KCNT2: variants seen among roughly 807,000 people sequenced by gnomAD.
The protein encoded by KCNT2 is potassium channel subfamily T member 2.
Under a neutral mutation model 153.8 loss-of-function variants are expected in KCNT2, and 67 were observed. The observed-to-expected ratio is 0.44, with a 90% CI of 0.36 to 0.53. The LOEUF is 0.53. KCNT2 is among the 20% of genes least tolerant of loss of function. KCNT2 has a pLI of 0.00. For missense variants in KCNT2, 975 were observed against 1,354.8 expected (o/e 0.72, Z 4.40); for synonymous variants, 500 against 458.8 (o/e 1.09, Z -1.15).
At chr1:196,578,844 T>C (rs12726412) in intron 1 of KCNT2, among the ~76,000 whole-genome samples, 5,432 of 152,238 alleles carry the variant, frequency 0.036, 143 homozygotes, top group Middle Eastern at 0.095. Context: ...TTTTTTTGTA[T>C]TAGAGTGAAA....
At chr1:196,532,739 A>G (rs552639641) in intron 1 of KCNT2, among the ~76,000 whole-genome samples, 1 of 152,152 alleles carries the variant, frequency 6.6e-6, no homozygotes, top group East Asian at 1.9e-4. Context: ...GATCTTTTCC[A>G]CATGTGAAAG....
intron 8 of KCNT2, among the ~76,000 whole-genome samples, chr1:196,453,774 G>T (rs1047632067): frequency 1.3e-5 from 2 of 151,590 alleles, no homozygotes; most frequent in Admixed American, 6.6e-5. Context: ...AGTTTTTATC[G>T]GTACTCAACA....
At chr1:196,534,763 C>G (rs937022263) in intron 1 of KCNT2, among the ~76,000 whole-genome samples, 2 of 152,068 alleles carry the variant, frequency 1.3e-5, no homozygotes, top group African/African-American at 4.8e-5. Context: ...AAAATCCACC[C>G]AAGAAAAAGC....
chr1:196,379,101 A>T (rs926861456), intron 13 of KCNT2, among the ~76,000 whole-genome samples: 2 of 152,050 alleles, frequency 1.3e-5, no homozygotes, highest in Non-Finnish European at 2.9e-5. Context: ...TACTTTTTGT[A>T]TACAAAATCA....
chr1:196,254,203 T>C (rs757642971), intron 26 of KCNT2, among the ~76,000 whole-genome samples: 6 of 151,440 alleles, frequency 4.0e-5, no homozygotes, highest in Non-Finnish European at 8.9e-5. Flanking sequence ...TAAAGTTCTA[T>C]GAACAGAATG....
intron 1 of KCNT2, among the ~76,000 whole-genome samples, chr1:196,528,536 G>A (rs755579931): frequency 2.0e-4 from 31 of 152,028 alleles, no homozygotes; most frequent in Non-Finnish European, 3.5e-4. Flanking sequence ...TTGACTAAAC[G>A]GCTATTAAGA....
intron 16 of KCNT2, among the ~76,000 whole-genome samples, chr1:196,336,494 A>T (rs997287359): frequency 2.6e-5 from 4 of 152,166 alleles, no homozygotes; most frequent in Non-Finnish European, 5.9e-5. Flanking sequence ...TCTATTATAC[A>T]AACCCTCAAT....
At chr1:196,338,937 C>T (rs1347327958) in intron 16 of KCNT2, among the ~76,000 whole-genome samples, 1 of 94,838 alleles carries the variant, frequency 1.1e-5, no homozygotes, top group Non-Finnish European at 1.9e-5. Context: ...ATGGTGTCAT[C>T]TGCTTTTTAG....
At chr1:196,531,064 G>T (rs1028494207) in intron 1 of KCNT2, among the ~76,000 whole-genome samples, 4 of 152,042 alleles carry the variant, frequency 2.6e-5, no homozygotes, top group Non-Finnish European at 4.4e-5. Context: ...ACTTATCACT[G>T]CCCGGAGATG....
intron 21 of KCNT2, among the ~76,000 whole-genome samples, chr1:196,311,249 C>T (rs1270738159): frequency 6.6e-6 from 1 of 151,772 alleles, no homozygotes; most frequent in Non-Finnish European, 1.5e-5. Flanking sequence ...TATTCAAAGG[C>T]CACCAGCTAT....
chr1:196,513,251 G>C (rs1414215492), intron 1 of KCNT2, among the ~76,000 whole-genome samples: 2 of 152,156 alleles, frequency 1.3e-5, no homozygotes, highest in Non-Finnish European at 2.9e-5. Context: ...CAAAGTGAAT[G>C]CTCACTAATA....
intron 26 of KCNT2, among the ~76,000 whole-genome samples, chr1:196,242,350 A>G (rs1257831789): frequency 6.6e-6 from 1 of 152,106 alleles, no homozygotes; most frequent in Non-Finnish European, 1.5e-5. Flanking sequence ...ACATTACAGA[A>G]AGCCTAAAAG....
At chr1:196,476,986 A>G (rs1238815460) in intron 5 of KCNT2, among the ~76,000 whole-genome samples, 2 of 152,204 alleles carry the variant, frequency 1.3e-5, no homozygotes, top group South Asian at 2.1e-4. Context: ...TATACTTGAC[A>G]TAGCAAATGT....
chr1:196,428,063 T>C, intron 10 of KCNT2, 42 bp downstream of exon 10: 1 of 1,467,252 alleles, frequency 6.8e-7, no homozygotes, highest in Non-Finnish European at 9.5e-7. Flanking sequence ...AATATGTTAG[T>C]AGGTATGATC....
At chr1:196,363,157 CTTATTTAT>C (rs1368390676) in intron 14 of KCNT2, among the ~76,000 whole-genome samples, 1 of 151,976 alleles carries the variant, frequency 6.6e-6, no homozygotes, top group African/African-American at 2.4e-5. Flanking sequence ...CCCTTATTTA[CTTATTTAT>C]ATTAGTATGG....
chr1:196,556,627 T>C (rs1159093469), intron 1 of KCNT2, among the ~76,000 whole-genome samples: 1 of 151,458 alleles, frequency 6.6e-6, no homozygotes, highest in Non-Finnish European at 1.5e-5. Context: ...ATCCCACTGC[T>C]GGGTATATAC....
At chr1:196,513,390 C>T (rs959952143) in intron 1 of KCNT2, among the ~76,000 whole-genome samples, 1 of 152,190 alleles carries the variant, frequency 6.6e-6, no homozygotes, top group Non-Finnish European at 1.5e-5. Flanking sequence ...TGCTGAGAAA[C>T]AGAAACTCCC....
chr1:196,536,282 G>C (rs76864954), intron 1 of KCNT2, among the ~76,000 whole-genome samples: 1,811 of 152,366 alleles, frequency 0.012, 20 homozygotes, highest in African/African-American at 0.042. Context: ...ACATGGGCCG[G>C]TGACCAAGTA....
chr1:196,319,428 C>A (rs1663059678), intron 20 of KCNT2, 56 bp downstream of exon 20: 3 of 1,198,070 alleles, frequency 2.5e-6, no homozygotes, highest in Non-Finnish European at 2.5e-6. Context: ...AGGCACAGCA[C>A]ATGACAAACC....
Sources: gnomAD v4.1 joint callset for allele counts (sites outside exome capture counted in the v4.1 genomes callset) on GRCh38, gnomAD v4.1.1 for gene constraint, MANE v1.5 for transcripts, NCBI Gene and HGNC (gene_info 2026-07-23, HGNC 2026-07-21) for gene names.